CMYA5: variants seen among roughly 807,000 people sequenced by gnomAD.
CMYA5 encodes cardiomyopathy associated 5.
CMYA5 carries 246 observed loss-of-function variants against 318.9 expected under a neutral mutation model. The ratio of observed to expected loss-of-function variants is 0.77; its 90% CI spans 0.70 to 0.86. The LOEUF (loss-of-function observed/expected upper bound fraction) is 0.86. Among genes scored for constraint, CMYA5 ranks in the 40% least tolerant of loss-of-function variants. The pLI is 0.00. For synonymous variants in CMYA5, 1,641 were observed against 1,729.5 expected (o/e 0.95, Z 1.27); for missense variants, 4,589 against 4,678.2 (o/e 0.98, Z 0.56).
Position 79,734,171 on chromosome 5 carries a change from A to G in CMYA5, c.5406A>G (p.Val1802=), listed in dbSNP as rs375044600. The change falls in exon 2 of 13, where the codon GTA becomes GTG. Residue 1802 remains valine, a synonymous_variant. Transcript: ENST00000446378. ...EETGHPNSSQ[V]LQSITEPSKI... The stretch of plus-strand genomic sequence containing the variant: ...CAGGCCACCCAAATTCATCCCAGGT[A>G]CTCCAGAGTATAACAGAACCATCAA... The G allele has an allele frequency of 1.1e-5, 18 of 1,613,792 alleles. 1 individual carries two copies. In the South Asian group the frequency reaches 2.0e-4, roughly 18 times the overall value.
intron 1 of CMYA5, among the ~76,000 whole-genome samples, chr5:79,702,862 C>G (rs532790166): frequency 6.6e-6 from 1 of 152,214 alleles, no homozygotes; most frequent in East Asian, 1.9e-4. Flanking sequence ...ATTGCCACAT[C>G]CACACCAGCA....
At chr5:79,743,164 A>T (rs1235991647) in intron 2 of CMYA5, among the ~76,000 whole-genome samples, 3 of 152,060 alleles carry the variant, frequency 2.0e-5, no homozygotes, top group Non-Finnish European at 2.9e-5. Flanking sequence ...AAGCTCTGCT[A>T]TTTTTTCTGC....
At chr5:79,724,935 A>T (rs1827716431) in intron 1 of CMYA5, among the ~76,000 whole-genome samples, 1 of 152,020 alleles carries the variant, frequency 6.6e-6, no homozygotes, top group Admixed American at 6.6e-5. Flanking sequence ...TCCTTACACC[A>T]TCTCCTATCT....
intron 9 of CMYA5, among the ~76,000 whole-genome samples, chr5:79,786,441 T>C (rs1052061416): frequency 6.6e-6 from 1 of 152,210 alleles, no homozygotes; most frequent in African/African-American, 2.4e-5. Context: ...AGTCGTGTTA[T>C]TTACTGGTAT....
At position 79,731,875 on chromosome 5, in the gene CMYA5, G is replaced by T. The variant is rs777825986; in HGVS notation, c.3110G>T (p.Cys1037Phe). 1.2e-6 allele frequency: 2 copies of T among 1,613,554 alleles called. No homozygotes were observed. The highest frequency in any genetic ancestry group is 2.2e-5 in the South Asian group (2 of 90,986). ...LTAVSASGYS[C>F]FSEADEEDIG... The stretch of plus-strand genomic sequence containing the variant: ...GCAGTGTCTGCTTCAGGTTATTCCT[G>T]CTTTTCAGAAGCAGATGAGGAAGAC... Residue 1037 changes from cysteine (C) to phenylalanine (F), a missense_variant, in exon 2 of 13, where the codon TGC becomes TTC. Coordinates refer to ENST00000446378, the MANE Select transcript of CMYA5 (RefSeq NM_153610.5).
chr5:79,727,976 A>G (rs1316105594), intron 1 of CMYA5, among the ~76,000 whole-genome samples: 1 of 152,240 alleles, frequency 6.6e-6, no homozygotes, highest in African/African-American at 2.4e-5. Flanking sequence ...GCCTGACTAC[A>G]GATAACATTT....
At chr5:79,692,892 G>A in intron 1 of CMYA5, among the ~76,000 whole-genome samples, 1 of 152,166 alleles carries the variant, frequency 6.6e-6, no homozygotes, top group Non-Finnish European at 1.5e-5. Flanking sequence ...TTCATGGAGT[G>A]CCTACTATTA....
chr5:79,701,055 G>A (rs996679751), intron 1 of CMYA5, among the ~76,000 whole-genome samples: 3 of 145,462 alleles, frequency 2.1e-5, no homozygotes, highest in Non-Finnish European at 4.5e-5. Context: ...GACCAACCTG[G>A]CCAGCATAGT....
chr5:79,768,566 C>A (rs866623627), intron 9 of CMYA5, among the ~76,000 whole-genome samples: 1 of 152,138 alleles, frequency 6.6e-6, no homozygotes, highest in East Asian at 1.9e-4. Flanking sequence ...TTAGTTTGGC[C>A]GGATATTAAG....
At position 79,739,286 on chromosome 5, in the gene CMYA5, C is replaced by T. The variant is rs368200114; in HGVS notation, c.10521C>T (p.Ser3507=). 7 of 1,607,900 alleles carry T rather than the reference C, an allele frequency of 4.4e-6. No individual in the cohort carries two copies. In the Admixed American group the frequency reaches 1.0e-4, roughly 23 times the overall value. Residue 3507 remains serine, a synonymous_variant, in exon 2 of 13, where the codon TCC becomes TCT. Transcript: ENST00000446378. The part of the protein sequence containing the change: ...TEKAQKELKK[S]QIDTYCYTCK... ...AGGCACAAAAAGAGCTGAAAAAGTC[C>T]CAGATTGACACATACTGTTACACCT...
rs752283470 is a variant in CMYA5 at position 79,731,567 on chromosome 5, A to T, written c.2802A>T (p.Leu934Phe). Residue 934 changes from leucine to phenylalanine, a missense_variant, in exon 2 of 13, where the codon TTA (leucine) becomes TTT (phenylalanine). Leu to Phe is a conservative substitution (Grantham distance 22). Around this residue, in one of 3 missense-constraint regions of CMYA5, gnomAD observed 2,132 missense variants for 2,131.3 expected, o/e 1.00. Coordinates refer to ENST00000446378, the MANE Select transcript of CMYA5 (RefSeq NM_153610.5). ...NLKGASSPMN[L>F]SEEDQEDIGP... ...AAGGTGCATCCTCACCCATGAATTT[A>T]TCAGAAGAAGATCAAGAAGACATTG... The T allele has an allele frequency of 5.0e-6, 8 of 1,610,630 alleles. No homozygotes were observed. The highest frequency in any genetic ancestry group is 5.9e-6 in the Non-Finnish European group (7 of 1,178,414).
In CMYA5 at chr5:79,733,235, G is replaced by T. The variant is rs765448596; in HGVS notation, c.4470G>T (p.Arg1490Ser). Residue 1490 changes from arginine (R) to serine (S), a missense_variant, in exon 2 of 13, where the codon AGG becomes AGT. Transcript: ENST00000446378. ...SQHSDKSEEA[R>S]VEDKQDLLFS... Reference sequence around the variant, plus strand: ...ATTCAGATAAATCTGAGGAAGCAAGGGTAGAAGACAAACAAGATCTTTTAT... The same window carrying T: ...ATTCAGATAAATCTGAGGAAGCAAGTGTAGAAGACAAACAAGATCTTTTAT... 6.2e-7 allele frequency: 1 copy of T among 1,613,598 alleles called. No individual in the cohort carries two copies. The highest frequency in any genetic ancestry group is 8.5e-7 in the Non-Finnish European group (1 of 1,179,808).
intron 2 of CMYA5, among the ~76,000 whole-genome samples, chr5:79,739,749 G>A (rs1371866524): frequency 6.6e-6 from 1 of 152,098 alleles, no homozygotes; most frequent in Non-Finnish European, 1.5e-5. Flanking sequence ...TTGAGAGACC[G>A]AGGTGGGAGG....
chr5:79,754,473 A>G (rs1268208742), intron 6 of CMYA5, among the ~76,000 whole-genome samples: 2 of 152,172 alleles, frequency 1.3e-5, no homozygotes, highest in African/African-American at 2.4e-5. Flanking sequence ...AAAGAGAGGA[A>G]CAGAAAAATG....
chr5:79,773,646 C>T (rs77428632), intron 9 of CMYA5, among the ~76,000 whole-genome samples: 2,159 of 152,202 alleles, frequency 0.014, 57 homozygotes, highest in African/African-American at 0.049. Flanking sequence ...GGGGTATGAA[C>T]GGGGAACTTA....
chr5:79,799,869 T>TACCC lies in CMYA5; in HGVS notation c.*253_*254insACCC. The TACCC allele has an allele frequency of 1.3e-5, 2 of 153,004 alleles. No homozygotes were observed. The highest frequency in any genetic ancestry group is 7.7e-5 in the Admixed American group (1 of 12,996). The allele number at this position is 153,004 out of a possible 1,614,324, so 9.5% of individuals were successfully genotyped here. A position where few individuals can be genotyped will look rare whatever the true frequency, so the allele number is the denominator to read the frequency against. ...ATATAAGTTTGAGTTCTTTCCTAAA[T>TACCC]TAAAAGATCTACACTTGAGTTGGGA... On this transcript the variant is annotated 3_prime_UTR_variant, in exon 13 of 13. Transcript: ENST00000446378.
At chr5:79,722,352 A>G (rs1827656082) in intron 1 of CMYA5, among the ~76,000 whole-genome samples, 1 of 152,172 alleles carries the variant, frequency 6.6e-6, no homozygotes, top group South Asian at 2.1e-4. Flanking sequence ...CACATGTTAG[A>G]AAAAGGGACA....
chr5:79,727,771 T>TAGAAGACAATTTCAG (rs1488009713), intron 1 of CMYA5, among the ~76,000 whole-genome samples: 9 of 152,038 alleles, frequency 5.9e-5, no homozygotes, highest in Admixed American at 5.9e-4. Flanking sequence ...GAGGAAGAGG[T>TAGAAGACAATTTCAG]AGAAGACAAT....
intron 1 of CMYA5, among the ~76,000 whole-genome samples, chr5:79,716,733 T>G (rs74562162): frequency 0.05 from 7,633 of 152,286 alleles, 336 homozygotes; most frequent in East Asian, 0.25. Context: ...ACACTGATTG[T>G]GTCTAGTGAC....
Sources: allele counts gnomAD v4.1 joint callset (sites outside exome capture counted in the v4.1 genomes callset), GRCh38; gene constraint gnomAD v4.1.1; regional missense constraint gnomAD v4.1.1; transcripts MANE v1.5; gene names NCBI Gene and HGNC (gene_info 2026-07-23, HGNC 2026-07-21).